KIF20B: variants seen among roughly 807,000 people sequenced by gnomAD.
The protein encoded by KIF20B is kinesin family member 20B.
KIF20B carries 188 observed loss-of-function variants against 232.5 expected under a neutral mutation model. The ratio of observed to expected loss-of-function variants is 0.81; its 90% CI spans 0.72 to 0.91. The LOEUF (loss-of-function observed/expected upper bound fraction) is 0.91. KIF20B is among the 40% of genes least tolerant of loss of function. The pLI is 0.00. For missense variants in KIF20B, 2,154 were observed against 2,055.9 expected (o/e 1.05, Z -0.92); for synonymous variants, 712 against 683.0 (o/e 1.04, Z -0.66).
chr10:89,755,041 G>A (rs144510573), intron 26 of KIF20B, among the ~76,000 whole-genome samples: 13 of 152,242 alleles, frequency 8.5e-5, no homozygotes, highest in African/African-American at 2.9e-4. Flanking sequence ...CACCTAAATA[G>A]TTTGTAAAAG....
intron 31 of KIF20B, among the ~76,000 whole-genome samples, chr10:89,770,073 C>T (rs1442459733): frequency 6.6e-6 from 1 of 152,066 alleles, no homozygotes; most frequent in Non-Finnish European, 1.5e-5. Flanking sequence ...CTAGTAGTCT[C>T]ATGCATTAGA....
intron 27 of KIF20B, among the ~76,000 whole-genome samples, chr10:89,760,077 C>G (rs1037565683): frequency 2.6e-5 from 4 of 152,096 alleles, no homozygotes; most frequent in Non-Finnish European, 5.9e-5. Context: ...TGAGAAGCCT[C>G]CAGTTTTTCA....
At chr10:89,745,568 G>GT (rs78446026) in intron 22 of KIF20B, among the ~76,000 whole-genome samples, 56 of 151,038 alleles carry the variant, frequency 3.7e-4, no homozygotes, top group South Asian at 3.4e-3. Context: ...CATATAAAGT[G>GT]TTTTTTTTTA....
At chr10:89,743,339 G>A (rs1007883394) in intron 21 of KIF20B, among the ~76,000 whole-genome samples, 50 of 152,140 alleles carry the variant, frequency 3.3e-4, no homozygotes, top group Non-Finnish European at 5.6e-4. Flanking sequence ...CTTCACTTGC[G>A]TGGGTACCTT....
chr10:89,737,700 AAATC>A lies in KIF20B; in HGVS notation c.2862_2865del (p.Asn954LysfsTer8), dbSNP rs1293147869. 1 of 1,613,292 alleles carries A rather than the reference AAATC, an allele frequency of 6.2e-7. No homozygotes were observed. The highest frequency in any genetic ancestry group is 1.7e-5 in the Admixed American group (1 of 59,990). ...CTGAATTACATGTGCAGAAAAGTAAAAATCAAGAACAGGAGGAAAAGATCATGAA... is the reference window on the plus strand; with the variant it reads ...CTGAATTACATGTGCAGAAAAGTAAAAAGAACAGGAGGAAAAGATCATGAA... On this transcript the variant is annotated frameshift_variant, in exon 20 of 33. Coordinates refer to ENST00000371728, the MANE Select transcript of KIF20B (RefSeq NM_001284259.2). LOFTEE classifies it high-confidence loss of function.
intron 23 of KIF20B, among the ~76,000 whole-genome samples, chr10:89,748,486 G>C (rs1302158419): frequency 6.6e-6 from 1 of 152,044 alleles, no homozygotes; most frequent in African/African-American, 2.4e-5. Context: ...ATTTGTACTT[G>C]GCCAACAAAA....
At chr10:89,736,013 CAG>C (rs1270960472) in intron 19 of KIF20B, among the ~76,000 whole-genome samples, 1 of 152,064 alleles carries the variant, frequency 6.6e-6, no homozygotes, top group Non-Finnish European at 1.5e-5. Context: ...GTTAATTAAA[CAG>C]AAATGGTCAG....
chr10:89,741,342 G>T (rs1030860192), intron 21 of KIF20B, among the ~76,000 whole-genome samples: 1 of 152,160 alleles, frequency 6.6e-6, no homozygotes, highest in South Asian at 2.1e-4. Flanking sequence ...CTTGTCTGCC[G>T]CTCACCTCCT....
At chr10:89,732,843 G>C in intron 18 of KIF20B, 60 bp from the exon 19 acceptor site, 1 of 1,376,028 alleles carries the variant, frequency 7.3e-7, no homozygotes, top group Non-Finnish European at 9.7e-7. Flanking sequence ...TAATTTATGT[G>C]ATTTGTACAT....
At position 89,768,313 on chromosome 10, in the gene KIF20B, G is replaced by T; in HGVS notation, c.5013G>T (p.Lys1671Asn). 1 of 1,574,522 alleles carries T rather than the reference G, an allele frequency of 6.4e-7. No homozygotes were observed. Among genetic ancestry groups the T allele is most frequent in the Non-Finnish European group, 8.6e-7 (1 of 1,156,818 alleles). The change falls in exon 30 of 33, where the codon AAG (lysine) becomes AAT (asparagine). Residue 1671 changes from lysine to asparagine, a missense_variant. By Grantham distance (94) the Lys-to-Asn change is moderately conservative. Coordinates refer to ENST00000371728, the MANE Select transcript of KIF20B (RefSeq NM_001284259.2). The stretch of plus-strand genomic sequence containing the variant: ...AGGACTTGGTGAAATGTGAAAATAA[G>T]AAGAATGCTACACCCAGAACTAATT... ...MEEDLVKCENKKNATPRTNLK... is the reference protein window; with the variant it reads ...MEEDLVKCENNKNATPRTNLK...
chr10:89,718,460 C>G (rs1229667666), intron 11 of KIF20B, among the ~76,000 whole-genome samples: 1 of 152,140 alleles, frequency 6.6e-6, no homozygotes, highest in African/African-American at 2.4e-5. Flanking sequence ...ACAGTGAGCT[C>G]TGATTGTGCC....
intron 22 of KIF20B, among the ~76,000 whole-genome samples, chr10:89,745,445 C>T (rs181276138): frequency 2.3e-3 from 345 of 152,290 alleles, no homozygotes; most frequent in African/African-American, 7.8e-3. Context: ...ATCGCTTGAA[C>T]CCAGGAGGTG....
chr10:89,754,873 G>A (rs1266258930), intron 26 of KIF20B, among the ~76,000 whole-genome samples, 200 bp downstream of exon 26: 1 of 152,140 alleles, frequency 6.6e-6, no homozygotes, highest in Non-Finnish European at 1.5e-5. Flanking sequence ...AGTTGATTTA[G>A]CATGTTGGGA....
intron 1 of KIF20B, among the ~76,000 whole-genome samples, chr10:89,702,014 TG>T (rs1431649555): frequency 1.3e-5 from 2 of 152,232 alleles, no homozygotes; most frequent in Non-Finnish European, 2.9e-5. Context: ...TCGGCTTTTG[TG>T]AAGATTAAAT....
At chr10:89,754,129 C>G (rs1564672637) in intron 25 of KIF20B, among the ~76,000 whole-genome samples, 1 of 149,780 alleles carries the variant, frequency 6.7e-6, no homozygotes, top group Non-Finnish European at 1.5e-5. Context: ...ATCTCGTAGG[C>G]CCAGGAATAT....
chr10:89,737,387 G>C lies in KIF20B; in HGVS notation c.2546G>C (p.Gly849Ala). 1 of 1,543,006 alleles carries C rather than the reference G, an allele frequency of 6.5e-7. No homozygotes were observed. Among genetic ancestry groups the C allele is most frequent in the Non-Finnish European group, 8.7e-7 (1 of 1,153,124 alleles). The change falls in exon 20 of 33, where the codon GGG (glycine) becomes GCG (alanine). Residue 849 changes from glycine (G) to alanine (A), a missense_variant and splice_region_variant. Coordinates refer to ENST00000371728, the MANE Select transcript of KIF20B (RefSeq NM_001284259.2). ...AATAACAATTTTCTTATTTTTAAAG[G>C]GTCTATCCATGTTAGTTCAGCTATC... ...LQQDEPPAKK[G>A]SIHVSSAITE...
chr10:89,762,785 A>G lies in KIF20B; in HGVS notation c.4939A>G (p.Thr1647Ala). ...VKHPGCTTPVTVKIPKARKRK... is the reference protein window; with the variant it reads ...VKHPGCTTPVAVKIPKARKRK... ...ACACCCTGGTTGTACCACACCAGTG[A>G]CAGTTAAGATTCCCAAGGCTCGGAA... is the stretch of plus-strand genomic sequence containing the variant. Residue 1647 changes from threonine (T) to alanine (A), a missense_variant, in exon 29 of 33, where the codon ACA becomes GCA. Physicochemically the swap from Thr to Ala is moderately conservative, Grantham distance 58 (BLOSUM62 0). Transcript: ENST00000371728. The G allele has an allele frequency of 6.2e-7, 1 of 1,613,358 alleles. No homozygotes were observed. Among genetic ancestry groups the G allele is most frequent in the Non-Finnish European group, 8.5e-7 (1 of 1,179,508 alleles).
At chr10:89,771,927 C>G (rs1316283446) in intron 31 of KIF20B, among the ~76,000 whole-genome samples, 3 of 151,904 alleles carry the variant, frequency 2.0e-5, no homozygotes, top group Admixed American at 2.0e-4. Context: ...TTGTTACTTT[C>G]ATTTTGGCTT....
In KIF20B at chr10:89,709,258, G is replaced by C; in HGVS notation, c.234+5G>C. 1.2e-6 allele frequency: 2 copies of C among 1,603,038 alleles called. No homozygotes were observed. The highest frequency in any genetic ancestry group is 1.7e-6 in the Non-Finnish European group (2 of 1,172,898). Reference sequence around the variant, plus strand: ...GAAAAAGAACTTGAGTCTGAGGTTTGTGTTGAATTTAATAGAATTTTAATA... The same window carrying C: ...GAAAAAGAACTTGAGTCTGAGGTTTCTGTTGAATTTAATAGAATTTTAATA... On this transcript the variant is annotated splice_donor_5th_base_variant and intron_variant, in intron 3 of 32. Coordinates refer to ENST00000371728, the MANE Select transcript of KIF20B (RefSeq NM_001284259.2).
Sources: allele counts gnomAD v4.1 joint callset (sites outside exome capture counted in the v4.1 genomes callset), GRCh38; gene constraint gnomAD v4.1.1; transcripts MANE v1.5; gene names NCBI Gene and HGNC (gene_info 2026-07-23, HGNC 2026-07-21).